Variants in LTBP1 observed in about 807,000 individuals in gnomAD.
The protein encoded by LTBP1 is latent-transforming growth factor beta-binding protein 1.
Under a neutral mutation model 207.6 loss-of-function variants are expected in LTBP1, and 129 were observed. The observed-to-expected ratio is 0.62, with a 90% confidence interval of 0.54 to 0.72. LTBP1 has a LOEUF of 0.72. Among genes scored for constraint, LTBP1 ranks in the 30% least tolerant of loss-of-function variants. LTBP1 has a pLI of 0.00. For synonymous variants in LTBP1, 963 were observed against 833.7 expected (o/e 1.16, Z -2.67); for missense variants, 2,281 against 2,217.2 (o/e 1.03, Z -0.58).
In LTBP1 at chr2:33,360,879, G is replaced by T; in HGVS notation, c.4183+100G>T. On this transcript the variant is annotated intron_variant, in intron 27 of 33. Coordinates refer to ENST00000404816, the MANE Select transcript of LTBP1 (RefSeq NM_206943.4). ...CTCATTCCCACAGCCAACTCAAGGC[G>T]ACTTACCTTATAGTGAGTTTCATTC... 6 of 1,024,216 alleles carry T rather than the reference G, an allele frequency of 5.9e-6. No homozygotes were observed. The South Asian group carries it at 6.1e-5, about 10-fold the overall frequency. 63.4% of individuals were successfully genotyped at this position (1,024,216 alleles called of 1,614,324 possible). A position where few individuals can be genotyped will look rare whatever the true frequency, so the allele number is the denominator to read the frequency against.
At chr2:33,059,964 C>T (rs1193882631) in intron 3 of LTBP1, among the ~76,000 whole-genome samples, 1 of 152,152 alleles carries the variant, frequency 6.6e-6, no homozygotes, top group Non-Finnish European at 1.5e-5. Flanking sequence ...TTACTCAGTT[C>T]TTAAAGAAAA....
chr2:33,288,279 G>T (rs1049804765), intron 19 of LTBP1, among the ~76,000 whole-genome samples: 2 of 152,232 alleles, frequency 1.3e-5, no homozygotes, highest in African/African-American at 4.8e-5. Flanking sequence ...AGGCTGGGGA[G>T]AACATGACTG....
At chr2:33,338,705 A>G (rs1248943979) in intron 24 of LTBP1, among the ~76,000 whole-genome samples, 1 of 152,180 alleles carries the variant, frequency 6.6e-6, no homozygotes, top group Admixed American at 6.5e-5. Context: ...TCCAGGGGAA[A>G]GGGGTGGCAT....
At chr2:33,241,528 C>T (rs1254977822) in intron 9 of LTBP1, among the ~76,000 whole-genome samples, 3 of 152,132 alleles carry the variant, frequency 2.0e-5, no homozygotes, top group Non-Finnish European at 4.4e-5. Flanking sequence ...GGCAGCCAGC[C>T]GCAAGGCTGA....
intron 2 of LTBP1, among the ~76,000 whole-genome samples, chr2:32,993,659 C>T (rs887111182): frequency 1.3e-5 from 2 of 152,132 alleles, no homozygotes; most frequent in African/African-American, 2.4e-5. Flanking sequence ...TACTGAAGGC[C>T]GTGTGGGGAA....
At chr2:33,315,687 G>C (rs1003600407) in intron 24 of LTBP1, among the ~76,000 whole-genome samples, 1 of 152,186 alleles carries the variant, frequency 6.6e-6, no homozygotes, top group African/African-American at 2.4e-5. Flanking sequence ...GCTCACACCA[G>C]CACTTTTGGA....
intron 7 of LTBP1, among the ~76,000 whole-genome samples, chr2:33,189,872 A>T (rs1166365267): frequency 0.083 from 1 of 12 alleles, no homozygotes; most frequent in Non-Finnish European, 0.1. Context: ...CTAAAAATAC[A>T]AAAAATTAGC....
At chr2:32,978,145 A>C (rs1435902495) in intron 2 of LTBP1, among the ~76,000 whole-genome samples, 1 of 152,134 alleles carries the variant, frequency 6.6e-6, no homozygotes, top group Non-Finnish European at 1.5e-5. Context: ...CAAAAATAAG[A>C]TCATATCATC....
intron 19 of LTBP1, among the ~76,000 whole-genome samples, chr2:33,287,567 A>C (rs1048489849): frequency 4.6e-5 from 7 of 152,232 alleles, no homozygotes; most frequent in African/African-American, 1.7e-4. Context: ...ATGTAGTGGC[A>C]GTTGAGTTTT....
At chr2:33,080,146 C>T (rs1289230134) in intron 3 of LTBP1, among the ~76,000 whole-genome samples, 2 of 152,104 alleles carry the variant, frequency 1.3e-5, no homozygotes, top group Non-Finnish European at 2.9e-5. Context: ...GCTGCCTCAG[C>T]CTCTTGAGTA....
intron 5 of LTBP1, among the ~76,000 whole-genome samples, chr2:33,147,089 T>C (rs2083115809): frequency 6.6e-6 from 1 of 152,224 alleles, no homozygotes; most frequent in African/African-American, 2.4e-5. Flanking sequence ...GCCTGCCTTC[T>C]TCAATCCCTA....
rs2094251378 is a variant in LTBP1 at position 33,315,243 on chromosome 2, T to C, written c.3704T>C (p.Ile1235Thr). The change falls in exon 24 of 34, where the codon ATC becomes ACC. Residue 1235 changes from isoleucine (I) to threonine (T), a missense_variant. Physicochemically the swap from Ile to Thr is moderately conservative, Grantham distance 89. Around this residue, in one of 3 missense-constraint regions of LTBP1, gnomAD observed 1,671 missense variants for 1,634.8 expected, o/e 1.02. Transcript: ENST00000404816. ...TGTGTCTGCCAGCAGGGTTTCTCAATCTCTGCAGATGGCCGTACGTGTGAA... is the reference window on the plus strand; with the variant it reads ...TGTGTCTGCCAGCAGGGTTTCTCAACCTCTGCAGATGGCCGTACGTGTGAA... ...FHCVCQQGFS[I>T]SADGRTCEDI... 6.2e-7 allele frequency: 1 copy of C among 1,613,378 alleles called. No homozygotes were observed. Among genetic ancestry groups the C allele is most frequent in the Admixed American group, 1.7e-5 (1 of 59,766 alleles).
intron 3 of LTBP1, among the ~76,000 whole-genome samples, chr2:33,040,129 T>C (rs1350277991): frequency 3.9e-5 from 6 of 152,108 alleles, no homozygotes; most frequent in Non-Finnish European, 8.8e-5. Context: ...CAAGAGTTAC[T>C]TGAAGGGTAA....
At chr2:33,174,148 C>T (rs1335547845) in intron 5 of LTBP1, among the ~76,000 whole-genome samples, 2 of 147,446 alleles carry the variant, frequency 1.4e-5, no homozygotes, top group African/African-American at 2.5e-5. Context: ...GTTGGAAGTT[C>T]TAGCCAGGGC....
At chr2:33,105,120 TCACCCCCTGTC>T (rs1396842380) in intron 3 of LTBP1, among the ~76,000 whole-genome samples, 2 of 152,148 alleles carry the variant, frequency 1.3e-5, no homozygotes, top group Admixed American at 1.3e-4. Context: ...CTTATTTACT[TCACCCCCTGTC>T]CACCAGCCTT....
At chr2:32,963,689 A>T (rs1277477009) in intron 2 of LTBP1, among the ~76,000 whole-genome samples, 3 of 152,148 alleles carry the variant, frequency 2.0e-5, no homozygotes, top group Non-Finnish European at 4.4e-5. Flanking sequence ...CTTCAAAGCC[A>T]CATTTATCAA....
rs1391591996 is a variant in LTBP1, at chr2:33,215,724, T to TG, written c.1702-1828_1702-1827insG. Among the ~76,000 whole-genome samples, 130 of 132,970 alleles carry TG rather than the reference T, an allele frequency of 9.8e-4. 4 individuals are homozygous for TG. The highest frequency in any genetic ancestry group is 3.8e-3 in the African/African-American group (127 of 33,220). 87.2% of individuals were successfully genotyped at this position (132,970 alleles called of 152,430 possible). On this transcript the variant is annotated intron_variant, in intron 7 of 33. Transcript: ENST00000404816. ...TCCATTGGTTTTCTTTTGTTTTTTG[T>TG]TTTTTTTTTTTGAGATAGAGTCTCG... is the stretch of plus-strand genomic sequence containing the variant.
chr2:33,194,844 T>A (rs1274019143), intron 7 of LTBP1, among the ~76,000 whole-genome samples: 1 of 152,222 alleles, frequency 6.6e-6, no homozygotes, highest in Non-Finnish European at 1.5e-5. Context: ...GAGGACAGGC[T>A]GGCTCTCTTG....
At chr2:33,253,881 CTTTTTTTTTTTTT>C (rs61042956) in intron 11 of LTBP1, among the ~76,000 whole-genome samples, 5 of 101,682 alleles carry the variant, frequency 4.9e-5, no homozygotes, top group Non-Finnish European at 7.4e-5. Flanking sequence ...ATCTGATGCA[CTTTTTTTTTTTTT>C]TTTTTTTTTT....
Sources: gnomAD v4.1 joint callset for allele counts (sites outside exome capture counted in the v4.1 genomes callset) on GRCh38, gnomAD v4.1.1 for gene constraint, gnomAD v4.1.1 regional missense constraint, MANE v1.5 for transcripts, NCBI Gene and HGNC (gene_info 2026-07-23, HGNC 2026-07-21) for gene names.